The following ZNF480 variants were observed in gnomAD, a reference collection of about 807,000 sequenced individuals.
ZNF480 encodes zinc finger protein 480.
In ZNF480, 15 loss-of-function variants were observed where a neutral mutation model predicts 14.4. That is an observed-to-expected ratio of 1.04 (90% confidence interval 0.70 to 1.60). ZNF480 has a LOEUF of 1.60. Ranked by LOEUF, ZNF480 falls within the 40% of genes most tolerant of loss-of-function variation. ZNF480 has a pLI of 0.00. For synonymous variants in ZNF480, 218 were observed against 215.5 expected, an observed-to-expected ratio of 1.01 and a Z score of -0.10; for missense variants, 593 against 629.7, an observed-to-expected ratio of 0.94 and a Z score of 0.62.
chr19:52,308,304 CTTCTT>C (rs916203007), intron 2 of ZNF480, among the ~76,000 whole-genome samples: 1 of 91,234 alleles, frequency 1.1e-5, no homozygotes, highest in African/African-American at 4.9e-5. Context: ...TGATTTTTTT[CTTCTT>C]TTTTTTTTTT....
rs575727944 is a variant in ZNF480, at chr19:52,316,039, G to T, written c.328+77G>T. The T allele has an allele frequency of 1.8e-5, 25 of 1,400,866 alleles. No homozygotes were observed. The Admixed American group carries it at 1.8e-4, about 10-fold the overall frequency. The allele number at this position is 1,400,866 out of a possible 1,614,324, so 86.8% of individuals were successfully genotyped here. A position where few individuals can be genotyped will look rare whatever the true frequency, so the allele number is the denominator to read the frequency against. On this transcript the variant is annotated intron_variant, in intron 4 of 4. Coordinates refer to ENST00000595962, the MANE Select transcript of ZNF480 (RefSeq NM_144684.4). Reference sequence around the variant, plus strand: ...TTTTGTTTTGTTTTGTCTAGTTTTGGTTTTTTATGTTTGTATTTTTGTTTG... The same window carrying T: ...TTTTGTTTTGTTTTGTCTAGTTTTGTTTTTTTATGTTTGTATTTTTGTTTG...
chr19:52,315,878 AG>A lies in ZNF480; in HGVS notation c.246del (p.Arg83GlyfsTer10). 6.2e-7 allele frequency: 1 copy of A among 1,613,336 alleles called. No homozygotes were observed. Among genetic ancestry groups the A allele is most frequent in the Non-Finnish European group, 8.5e-7 (1 of 1,179,528 alleles). On this transcript the variant is annotated frameshift_variant, in exon 4 of 5. Transcript: ENST00000595962. LOFTEE classifies it high-confidence loss of function. ...GAATATTAACTCCATGTTGGAGCAA[AG>A]GAGGGAGCCCTGGTCTGGTGAGAGT... ...DLNINSMLEQ[R>X]REPWSGESEV... is the part of the protein sequence containing the mutation.
In ZNF480 at chr19:52,323,109, A is replaced by G. The variant is rs1600223518; in HGVS notation, c.*251A>G. ...GGAGATCTAAAAAACACAATCAGAA[A>G]TGACAAAGGGGACATTACCACCAAC... On this transcript the variant is annotated 3_prime_UTR_variant, in exon 5 of 5. Coordinates refer to ENST00000595962, the MANE Select transcript of ZNF480 (RefSeq NM_144684.4). 5 of 345,272 alleles carry G rather than the reference A, an allele frequency of 1.4e-5. No homozygotes were observed. The highest frequency in any genetic ancestry group is 2.1e-5 in the Non-Finnish European group (4 of 191,588). The allele number at this position is 345,272 out of a possible 1,614,324, so 21.4% of individuals were successfully genotyped here. A position where few individuals can be genotyped will look rare whatever the true frequency, so the allele number is the denominator to read the frequency against.
intron 2 of ZNF480, among the ~76,000 whole-genome samples, chr19:52,313,393 C>A (rs1439240517): frequency 1.3e-5 from 2 of 151,746 alleles, no homozygotes; most frequent in Non-Finnish European, 2.9e-5. Context: ...CCACCTCAGC[C>A]TCCCAAAGTC....
chr19:52,300,399 A>C lies in ZNF480; in HGVS notation c.-14A>C. 1 of 1,583,326 alleles carries C rather than the reference A, an allele frequency of 6.3e-7. No homozygotes were observed. Among genetic ancestry groups the C allele is most frequent in the South Asian group, 1.1e-5 (1 of 89,316 alleles). On this transcript the variant is annotated 5_prime_UTR_variant, in exon 2 of 5. Transcript: ENST00000595962. ...AGCATATTTTTGACATTTAGGATTGACTTCTAAAGAGTCATGCTGTGTGAT... is the reference window on the plus strand; with the variant it reads ...AGCATATTTTTGACATTTAGGATTGCCTTCTAAAGAGTCATGCTGTGTGAT...
intron 2 of ZNF480, among the ~76,000 whole-genome samples, chr19:52,312,013 T>C (rs1036958836): frequency 6.6e-6 from 1 of 152,178 alleles, no homozygotes; most frequent in Non-Finnish European, 1.5e-5. Flanking sequence ...CATGTCATCA[T>C]TTTTATGTAT....
Position 52,324,218 on chromosome 19 carries a change from A to G in ZNF480, c.*1360A>G, listed in dbSNP as rs1983986849. 6.6e-6 allele frequency: 1 copy of G among 152,202 alleles called. No homozygotes were observed. The highest frequency in any genetic ancestry group is 1.5e-5 in the Non-Finnish European group (1 of 68,034). The allele number at this position is 152,202 out of a possible 1,614,324, so 9.4% of individuals were successfully genotyped here. ...ACAGTAGCCACAAAAAGTATAAAAT[A>G]CCTAGGAATACAGCCAACCAGGTAA... is the stretch of plus-strand genomic sequence containing the variant. On this transcript the variant is annotated 3_prime_UTR_variant, in exon 5 of 5. Coordinates refer to ENST00000595962, the MANE Select transcript of ZNF480 (RefSeq NM_144684.4).
At chr19:52,315,273 T>G (rs1405105793) in intron 3 of ZNF480, among the ~76,000 whole-genome samples, 2 of 151,816 alleles carry the variant, frequency 1.3e-5, no homozygotes, top group Non-Finnish European at 2.9e-5. Context: ...GGCAAACTTT[T>G]CAGATACCCA....
chr19:52,320,955 C>T (rs957147569), intron 4 of ZNF480, among the ~76,000 whole-genome samples: 5 of 151,988 alleles, frequency 3.3e-5, no homozygotes, highest in Non-Finnish European at 5.9e-5. Flanking sequence ...CCAGCCTGGA[C>T]GATAGAGTGA....
At chr19:52,321,319 G>A (rs1983797863) in intron 4 of ZNF480, among the ~76,000 whole-genome samples, 1 of 152,016 alleles carries the variant, frequency 6.6e-6, no homozygotes, top group East Asian at 1.9e-4. Flanking sequence ...TTTCTCAGAA[G>A]GTTTCAATTC....
chr19:52,306,073 T>C (rs1005424552), intron 2 of ZNF480, among the ~76,000 whole-genome samples: 1 of 152,194 alleles, frequency 6.6e-6, no homozygotes, highest in African/African-American at 2.4e-5. Context: ...TTGCCTGGGC[T>C]AGCAGAGTAG....
intron 2 of ZNF480, chr19:52,308,831 A>G (rs1983120775): frequency 7.5e-6 from 1 of 133,018 alleles, no homozygotes; most frequent in Admixed American, 7.7e-5. Context: ...GGAGGAAATC[A>G]TATTCTTGTC....
intron 2 of ZNF480, chr19:52,308,689 C>G (rs1004253863): frequency 1.3e-5 from 2 of 152,090 alleles, no homozygotes; most frequent in African/African-American, 4.8e-5. Context: ...AGGACGTTCT[C>G]TCATCATTCT....
Position 52,322,814 on chromosome 19 carries a change from C to T in ZNF480, c.1564C>T (p.Arg522Cys), listed in dbSNP as rs997457483. 49 of 1,607,230 alleles carry T rather than the reference C, an allele frequency of 3.0e-5. No individual in the cohort carries two copies. The highest frequency in any genetic ancestry group is 6.7e-5 in the East Asian group (3 of 44,788). ...KCNECGKAFSRISYLAQHWTI... is the reference protein window; with the variant it reads ...KCNECGKAFSCISYLAQHWTI... ...TAATGAGTGTGGCAAGGCCTTTAGT[C>T]GCATTTCATACCTAGCACAACATTG... The change falls in exon 5 of 5, where the codon CGC becomes TGC. Residue 522 changes from arginine to cysteine, a missense_variant. Arg to Cys is a radical substitution (Grantham distance 180, BLOSUM62 -3). Coordinates refer to ENST00000595962, the MANE Select transcript of ZNF480 (RefSeq NM_144684.4).
At chr19:52,309,437 T>C (rs538303603) in intron 2 of ZNF480, among the ~76,000 whole-genome samples, 1 of 152,322 alleles carries the variant, frequency 6.6e-6, no homozygotes, top group African/African-American at 2.4e-5. Flanking sequence ...GGTGTCTGCC[T>C]GCATTACTGC....
intron 2 of ZNF480, among the ~76,000 whole-genome samples, chr19:52,306,061 C>G (rs983360606): frequency 6.6e-6 from 1 of 152,140 alleles, no homozygotes; most frequent in Non-Finnish European, 1.5e-5. Context: ...TCAGTCCTGC[C>G]ATTGCCTGGG....
chr19:52,321,546 G>T (rs2122562756), intron 4 of ZNF480, 33 bp from the exon 5 acceptor site: 2 of 1,522,978 alleles, frequency 1.3e-6, no homozygotes, highest in South Asian at 1.3e-5. Flanking sequence ...AGAATTATGG[G>T]GTCTGAATTT....
intron 2 of ZNF480, among the ~76,000 whole-genome samples, chr19:52,306,587 A>G: frequency 6.6e-6 from 1 of 152,252 alleles, no homozygotes; most frequent in Non-Finnish European, 1.5e-5. Flanking sequence ...CATTGTAGTC[A>G]GTAGGAATCA....
intron 4 of ZNF480, among the ~76,000 whole-genome samples, chr19:52,319,306 C>G (rs1261841838): frequency 6.6e-6 from 1 of 152,152 alleles, no homozygotes; most frequent in Non-Finnish European, 1.5e-5. Context: ...CTTAGCTCTT[C>G]TTTATCGAGG....
Sources: allele counts gnomAD v4.1 joint callset (sites outside exome capture counted in the v4.1 genomes callset), GRCh38; gene constraint gnomAD v4.1.1; transcripts MANE v1.5; gene names NCBI Gene and HGNC (gene_info 2026-07-23, HGNC 2026-07-21).